Variants in P2RY14 observed in about 807,000 individuals in gnomAD.
P2RY14 encodes purinergic receptor P2Y14, also known as P2Y purinoceptor 14.
Under a neutral mutation model 0.9 loss-of-function variants are expected in P2RY14, and 2 were observed. That is an observed-to-expected ratio of 2.16 (90% confidence interval 0.88 to 6.79). P2RY14 has a LOEUF of 6.79. P2RY14 is among the 30% of genes most tolerant of loss of function. The pLI is 0.05. For synonymous variants in P2RY14, 158 were observed against 147.2 expected, an observed-to-expected ratio of 1.07 and a Z score of -0.53; for missense variants, 378 against 400.1, an observed-to-expected ratio of 0.94 and a Z score of 0.47.
intron 1 of P2RY14, among the ~76,000 whole-genome samples, chr3:151,250,469 G>A (rs959677840): frequency 2.6e-5 from 4 of 152,088 alleles, no homozygotes; most frequent in East Asian, 3.9e-4. Flanking sequence ...GGTAACTACT[G>A]TTCTTCTCTA....
In P2RY14 at chr3:151,213,359, G is replaced by C. The variant is rs1727508349; in HGVS notation, c.958C>G (p.Leu320Val). 8.7e-6 allele frequency: 14 copies of C among 1,613,806 alleles called. No individual in the cohort carries two copies. The highest frequency in any genetic ancestry group is 1.2e-5 in the Non-Finnish European group (14 of 1,179,860). Residue 320 changes from leucine (L) to valine (V), a missense_variant, in exon 3 of 3, where the codon CTA becomes GTA. Transcript: ENST00000309170. ...LHIPLKAQND[L>V]DISRIKRGNT... ...CCTCTTTTGATTCTGGAAATGTCTA[G>C]GTCATTCTGAGCTTTTAATGGAATG...
chr3:151,263,261 G>A (rs1244537018), intron 1 of P2RY14, among the ~76,000 whole-genome samples: 3 of 152,154 alleles, frequency 2.0e-5, no homozygotes, highest in Non-Finnish European at 4.4e-5. Flanking sequence ...TCATCAGCAC[G>A]TGAAACTGCT....
intron 1 of P2RY14, among the ~76,000 whole-genome samples, chr3:151,220,944 T>C (rs952915031): frequency 6.6e-6 from 1 of 152,222 alleles, no homozygotes; most frequent in Non-Finnish European, 1.5e-5. Flanking sequence ...CAGGAAAATG[T>C]AGGTAAGTTT....
intron 1 of P2RY14, among the ~76,000 whole-genome samples, chr3:151,254,970 T>C (rs1488998758): frequency 6.6e-6 from 1 of 152,230 alleles, no homozygotes; most frequent in African/African-American, 2.4e-5. Context: ...TACTTTGCCT[T>C]GCTGCTCTTT....
At position 151,257,848 on chromosome 3, in the gene P2RY14, A is replaced by G. The variant is rs1239553831; in HGVS notation, c.-133+20439T>C. On this transcript the variant is annotated intron_variant, in intron 1 of 2. Coordinates refer to ENST00000309170, the MANE Select transcript of P2RY14 (RefSeq NM_014879.4). ...ACTTGGCTTAGATGAGAGTCACACAAATTTTTATATTCCAAGTTCCTCCTT... is the reference window on the plus strand; with the variant it reads ...ACTTGGCTTAGATGAGAGTCACACAGATTTTTATATTCCAAGTTCCTCCTT... 3.3e-5 allele frequency among the ~76,000 whole-genome samples: 5 copies of G among 152,122 alleles called. No homozygotes were observed. In the East Asian group the frequency reaches 9.6e-4, roughly 29 times the overall value.
rs568727715 is a variant in P2RY14 at position 151,262,414 on chromosome 3, G to A, written c.-133+15873C>T. ...TCTCCAGACATTAATGCTGGGCCCT[G>A]TGGTGAATGTAAACATGGTACCTAT... On this transcript the variant is annotated intron_variant, in intron 1 of 2. Coordinates refer to ENST00000309170, the MANE Select transcript of P2RY14 (RefSeq NM_014879.4). Among the ~76,000 whole-genome samples, 13 of 152,316 alleles carry A rather than the reference G, an allele frequency of 8.5e-5. No individual in the cohort carries two copies. In the South Asian group the frequency reaches 2.5e-3, roughly 29 times the overall value.
chr3:151,212,869 AAGTT>A lies in P2RY14; in HGVS notation c.*427_*430del, dbSNP rs1267337498. On this transcript the variant is annotated 3_prime_UTR_variant, in exon 3 of 3. Coordinates refer to ENST00000309170, the MANE Select transcript of P2RY14 (RefSeq NM_014879.4). ...CCTTCATCAAACTGTGCCTGCTTTC[AAGTT>A]AGTCTTTAAGGACAGTGTTGAAAAC... 6.6e-6 allele frequency: 1 copy of A among 152,160 alleles called. No individual in the cohort carries two copies. The highest frequency in any genetic ancestry group is 2.4e-5 in the African/African-American group (1 of 41,330). 9.4% of individuals were successfully genotyped at this position (152,160 alleles called of 1,614,324 possible). A position where few individuals can be genotyped will look rare whatever the true frequency, so the allele number is the denominator to read the frequency against.
intron 1 of P2RY14, among the ~76,000 whole-genome samples, chr3:151,267,032 G>A (rs538074379): frequency 3.3e-5 from 5 of 152,330 alleles, no homozygotes; most frequent in African/African-American, 1.2e-4. Flanking sequence ...ATACTGTAAA[G>A]TACAAAAGAC....
At chr3:151,238,403 T>C (rs1447229812) in intron 1 of P2RY14, among the ~76,000 whole-genome samples, 1 of 152,208 alleles carries the variant, frequency 6.6e-6, no homozygotes, top group Non-Finnish European at 1.5e-5. Context: ...CGCCTCAGCC[T>C]CCCAAAGTGC....
intron 1 of P2RY14, among the ~76,000 whole-genome samples, chr3:151,243,702 C>T (rs1329519058): frequency 7.2e-5 from 11 of 151,884 alleles, no homozygotes; most frequent in Non-Finnish European, 1.6e-4. Flanking sequence ...GAAGAAACTG[C>T]ATCAACTAAC....
chr3:151,247,667 C>T (rs933119764), intron 1 of P2RY14, among the ~76,000 whole-genome samples: 5 of 143,742 alleles, frequency 3.5e-5, no homozygotes, highest in Admixed American at 2.9e-4. Context: ...TGCTAGATGA[C>T]GAGTTAGTGG....
At chr3:151,264,229 G>C (rs1055164787) in intron 1 of P2RY14, among the ~76,000 whole-genome samples, 2 of 152,148 alleles carry the variant, frequency 1.3e-5, no homozygotes, top group Non-Finnish European at 2.9e-5. Context: ...TTTTGAGGTT[G>C]GTCTTCAGTA....
At chr3:151,224,877 C>T (rs534284331) in intron 1 of P2RY14, among the ~76,000 whole-genome samples, 2 of 152,202 alleles carry the variant, frequency 1.3e-5, no homozygotes, top group South Asian at 4.1e-4. Flanking sequence ...TCCTGTGTAC[C>T]CCTGATATTT....
At chr3:151,248,259 T>G (rs1736138456) in intron 1 of P2RY14, among the ~76,000 whole-genome samples, 1 of 152,110 alleles carries the variant, frequency 6.6e-6, no homozygotes, top group African/African-American at 2.4e-5. Context: ...TGAGACCTAT[T>G]TAATTCCTAT....
At chr3:151,277,604 G>A (rs1742113453) in intron 1 of P2RY14, among the ~76,000 whole-genome samples, 1 of 151,998 alleles carries the variant, frequency 6.6e-6, no homozygotes. Flanking sequence ...TGACATTGTG[G>A]GTCTGTGCTA....
intron 1 of P2RY14, among the ~76,000 whole-genome samples, chr3:151,224,339 C>G (rs1377212362): frequency 6.6e-6 from 1 of 151,902 alleles, no homozygotes; most frequent in Non-Finnish European, 1.5e-5. Context: ...CTAGCTGATT[C>G]TGTATCAATA....
intron 1 of P2RY14, among the ~76,000 whole-genome samples, chr3:151,260,773 C>A (rs7623448): frequency 0.47 from 71,237 of 152,004 alleles, 16,828 homozygotes; most frequent in Middle Eastern, 0.65. Context: ...AGGTAAATAA[C>A]TGTATTCTTG....
At chr3:151,241,629 TAC>T (rs554224150) in intron 1 of P2RY14, among the ~76,000 whole-genome samples, 167 of 152,284 alleles carry the variant, frequency 1.1e-3, no homozygotes, top group African/African-American at 3.9e-3. Context: ...TGTGTGTATA[TAC>T]ACACACAGTA....
At position 151,212,671 on chromosome 3, in the gene P2RY14, T is replaced by C. The variant is rs1432343058; in HGVS notation, c.*629A>G. 10 of 151,690 alleles carry C rather than the reference T, an allele frequency of 6.6e-5. 1 individual carries two copies. Among genetic ancestry groups the C allele is most frequent in the Admixed American group, 5.9e-4 (9 of 15,222 alleles). 9.4% of individuals were successfully genotyped at this position (151,690 alleles called of 1,614,324 possible). On this transcript the variant is annotated 3_prime_UTR_variant, in exon 3 of 3. Coordinates refer to ENST00000309170, the MANE Select transcript of P2RY14 (RefSeq NM_014879.4). ...CATGTATCTAATATCCTCAAAGTGC[T>C]ATCAGAAAAAAAAAATTTTCTTGCT...
Sources: gnomAD v4.1 joint callset for allele counts (sites outside exome capture counted in the v4.1 genomes callset) on GRCh38, gnomAD v4.1.1 for gene constraint, MANE v1.5 for transcripts, NCBI Gene and HGNC (gene_info 2026-07-23, HGNC 2026-07-21) for gene names.